COL24A1: variants seen among roughly 807,000 people sequenced by gnomAD.
COL24A1 encodes collagen type XXIV alpha 1 chain.
In COL24A1, 224 loss-of-function variants were observed where a neutral mutation model predicts 253.9. The observed-to-expected ratio is 0.88, with a 90% confidence interval of 0.79 to 0.99. COL24A1 has a LOEUF of 0.99. COL24A1 is among the 50% of genes least tolerant of loss of function. COL24A1 has a pLI of 0.00. For missense variants in COL24A1, 2,131 were observed against 2,068.5 expected (o/e 1.03, Z -0.59); for synonymous variants, 685 against 673.7 (o/e 1.02, Z -0.26).
At chr1:86,153,362 C>T (rs1653037385) in intron 1 of COL24A1, among the ~76,000 whole-genome samples, 1 of 152,132 alleles carries the variant, frequency 6.6e-6, no homozygotes, top group African/African-American at 2.4e-5. Context: ...TCTCTGCTGC[C>T]TAGAACCACA....
At chr1:85,936,911 C>A (rs1309278728) in intron 24 of COL24A1, among the ~76,000 whole-genome samples, 1 of 146,988 alleles carries the variant, frequency 6.8e-6, no homozygotes, top group Non-Finnish European at 1.5e-5. Context: ...CACAGGACAC[C>A]AAATGACTAC....
chr1:85,918,607 C>T (rs1371713667), intron 24 of COL24A1, among the ~76,000 whole-genome samples: 1 of 152,062 alleles, frequency 6.6e-6, no homozygotes, highest in Non-Finnish European at 1.5e-5. Flanking sequence ...GTCTTTAAGT[C>T]TATATTACTC....
chr1:85,948,523 CAAAAAAAAAAAA>C (rs751884453), intron 24 of COL24A1, among the ~76,000 whole-genome samples: 1 of 63,610 alleles, frequency 1.6e-5, no homozygotes, highest in South Asian at 5.6e-4. Context: ...GACTCCGTCT[CAAAAAAAAAAAA>C]AAAAAAAAAA....
Position 85,889,557 on chromosome 1 carries a change from T to TA in COL24A1, c.2976+2dup. On this transcript the variant is annotated splice_region_variant and intron_variant, in intron 32 of 59. Transcript: ENST00000370571. ...AATTAGAAAAGTATAAAGATAAACT[T>TA]ACTGGCTCTCCTGGAAGTCCTCTGT... is the stretch of plus-strand genomic sequence containing the variant. 1 of 1,611,524 alleles carries TA rather than the reference T, an allele frequency of 6.2e-7. No homozygotes were observed. Among genetic ancestry groups the TA allele is most frequent in the Non-Finnish European group, 8.5e-7 (1 of 1,177,946 alleles).
At position 85,734,845 on chromosome 1, in the gene COL24A1, A is replaced by G. The variant is rs1263236266; in HGVS notation, c.4902T>C (p.Ser1634=). ...TGAAACCAATAGGCAATCCTGGGCC[A>G]CTTGTTTGTGTGCTTGTCCACCTTG... ...NTPRWTSTQT[S]GPGLPIGFKG... The change falls in exon 59 of 60, where the codon AGT becomes AGC. Residue 1634 remains serine, a synonymous_variant. Coordinates refer to ENST00000370571, the MANE Select transcript of COL24A1 (RefSeq NM_152890.7). 6.2e-7 allele frequency: 1 copy of G among 1,614,178 alleles called. No homozygotes were observed. Among genetic ancestry groups the G allele is most frequent in the Non-Finnish European group, 8.5e-7 (1 of 1,180,024 alleles).
At chr1:86,096,627 TCCATTGCATACATAAATGACCCTACTTC>T (rs1183020405) in intron 5 of COL24A1, among the ~76,000 whole-genome samples, 1 of 152,088 alleles carries the variant, frequency 6.6e-6, no homozygotes, top group Admixed American at 6.6e-5. Flanking sequence ...ACATAGTCAC[TCCATTGCATACATAAATGACCCTACTTC>T]CCCTTTCTCT....
chr1:85,761,709 T>C, intron 53 of COL24A1, 143 bp from the exon 54 acceptor site: 1 of 735,650 alleles, frequency 1.4e-6, no homozygotes. Context: ...ATTCTAAAGT[T>C]ATATGCTGTG....
intron 46 of COL24A1, 110 bp downstream of exon 46, chr1:85,817,924 A>G (rs766668945): frequency 5.5e-5 from 49 of 884,860 alleles, no homozygotes; most frequent in Middle Eastern, 4.4e-4. Context: ...TTTAAAAGAC[A>G]ATCTGATTTA....
chr1:85,871,307 A>G (rs191985085), intron 35 of COL24A1, among the ~76,000 whole-genome samples: 1 of 152,306 alleles, frequency 6.6e-6, no homozygotes, highest in East Asian at 1.9e-4. Flanking sequence ...AAACTATTCC[A>G]ATCAACAGAA....
chr1:86,092,363 C>T (rs761081063), intron 5 of COL24A1, 43 bp from the exon 6 acceptor site: 2 of 1,406,180 alleles, frequency 1.4e-6, no homozygotes, highest in South Asian at 1.2e-5. Context: ...GCATAAGTTG[C>T]ATATAATGTG....
intron 5 of COL24A1, among the ~76,000 whole-genome samples, chr1:86,092,652 T>G (rs1280351158): frequency 1.3e-5 from 2 of 152,018 alleles, no homozygotes; most frequent in African/African-American, 4.8e-5. Flanking sequence ...GAGTTGTTAT[T>G]CCTATTTTAG....
rs1047893 is a variant in COL24A1 at position 85,729,364 on chromosome 1, T to C, written c.*1182A>G. 64,101 of 152,066 alleles carry C rather than the reference T, an allele frequency of 0.42. 14,413 individuals are homozygous for C. Among genetic ancestry groups the C allele is most frequent in the Middle Eastern group, 0.54 (158 of 294 alleles). 9.4% of individuals were successfully genotyped at this position (152,066 alleles called of 1,614,324 possible). A position where few individuals can be genotyped will look rare whatever the true frequency, so the allele number is the denominator to read the frequency against. On this transcript the variant is annotated 3_prime_UTR_variant, in exon 60 of 60. Coordinates refer to ENST00000370571, the MANE Select transcript of COL24A1 (RefSeq NM_152890.7). ...TATTTTTCTTTCAGTATTGAACTAA[T>C]ATTTCTCTGATAACAAGGAGACATT...
At chr1:85,783,856 GTA>G (rs1040828184) in intron 50 of COL24A1, among the ~76,000 whole-genome samples, 3 of 152,108 alleles carry the variant, frequency 2.0e-5, no homozygotes, top group African/African-American at 7.2e-5. Context: ...CAACATTGCT[GTA>G]TGTTTGAAAA....
At chr1:86,003,777 A>AG (rs980476281) in intron 19 of COL24A1, among the ~76,000 whole-genome samples, 1 of 123,806 alleles carries the variant, frequency 8.1e-6, no homozygotes, top group Admixed American at 8.9e-5. Context: ...GGGGCCTGGG[A>AG]GGAAAAAAAA....
chr1:86,141,713 T>G (rs1651108414), intron 2 of COL24A1, among the ~76,000 whole-genome samples: 1 of 151,938 alleles, frequency 6.6e-6, no homozygotes, highest in African/African-American at 2.4e-5. Context: ...TTTTTTTTTT[T>G]TTTTTGAGAC....
intron 5 of COL24A1, among the ~76,000 whole-genome samples, chr1:86,108,339 A>G (rs1359221969): frequency 6.6e-6 from 1 of 152,162 alleles, no homozygotes; most frequent in Non-Finnish European, 1.5e-5. Context: ...ATTTTCTCAA[A>G]TATTGGCTTC....
chr1:85,925,015 C>T (rs971431534), intron 24 of COL24A1, among the ~76,000 whole-genome samples: 3 of 152,032 alleles, frequency 2.0e-5, no homozygotes, highest in African/African-American at 4.8e-5. Flanking sequence ...ACAAGCATTC[C>T]TATACACCAA....
At chr1:86,116,666 G>T (rs374071455) in intron 3 of COL24A1, among the ~76,000 whole-genome samples, 4 of 151,952 alleles carry the variant, frequency 2.6e-5, no homozygotes, top group African/African-American at 9.7e-5. Flanking sequence ...CACATTTTTT[G>T]ATATTAACTA....
intron 24 of COL24A1, 31 bp downstream of exon 24, chr1:85,961,218 A>G (rs575505284): frequency 1.2e-5 from 18 of 1,502,670 alleles, no homozygotes; most frequent in Middle Eastern, 3.4e-4. Context: ...CTTACAGCTG[A>G]TTAAAAAATA....
Sources: gnomAD v4.1 joint callset for allele counts (sites outside exome capture counted in the v4.1 genomes callset) on GRCh38, gnomAD v4.1.1 for gene constraint, MANE v1.5 for transcripts, NCBI Gene and HGNC (gene_info 2026-07-23, HGNC 2026-07-21) for gene names.